The following TIPRL variants were observed in gnomAD, a reference collection of about 807,000 sequenced individuals.
TIPRL encodes TOR signaling pathway regulator.
A neutral mutation model predicts 32.3 loss-of-function variants in TIPRL; 10 were observed. The observed-to-expected ratio is 0.31, with a 90% CI of 0.19 to 0.52. The LOEUF (loss-of-function observed/expected upper bound fraction) is 0.52. TIPRL is among the 20% of genes least tolerant of loss of function. The pLI is 0.96. For missense variants in TIPRL, 250 were observed against 328.1 expected, an observed-to-expected ratio of 0.76 and a Z score of 1.84; for synonymous variants, 100 against 114.0, an observed-to-expected ratio of 0.88 and a Z score of 0.78.
chr1:168,195,049 G>A (rs1700137644), intron 4 of TIPRL, among the ~76,000 whole-genome samples: 1 of 152,150 alleles, frequency 6.6e-6, no homozygotes, highest in Non-Finnish European at 1.5e-5. Flanking sequence ...ACATTAGCCG[G>A]GAGAATACTC....
At position 168,191,489 on chromosome 1, in the gene TIPRL, A is replaced by C. The variant is rs1700095796; in HGVS notation, c.505A>C (p.Ser169Arg). ...ELHDHGVSSL[S>R]VKIRVMPSSF... ...TCATGATCATGGAGTTTCAAGCCTG[A>C]GTGTGAAGATTGTGAGTATTATTTT... The change falls in exon 4 of 7, where the codon AGT (serine) becomes CGT (arginine). Residue 169 changes from serine (S) to arginine (R), a missense_variant. Ser to Arg is a moderately radical substitution (Grantham distance 110). Coordinates refer to ENST00000367833, the MANE Select transcript of TIPRL (RefSeq NM_152902.5). The C allele has an allele frequency of 1.3e-5, 19 of 1,500,534 alleles. No individual in the cohort carries two copies. Among genetic ancestry groups the C allele is most frequent in the Non-Finnish European group, 1.7e-5 (19 of 1,133,762 alleles). 93.0% of individuals were successfully genotyped at this position (1,500,534 alleles called of 1,614,324 possible).
At chr1:168,192,934 G>A (rs1353817408) in intron 4 of TIPRL, among the ~76,000 whole-genome samples, 5 of 152,122 alleles carry the variant, frequency 3.3e-5, no homozygotes, top group African/African-American at 9.7e-5. Flanking sequence ...CTCAATTATA[G>A]CATTTGTCAT....
chr1:168,192,388 A>G (rs1468746814), intron 4 of TIPRL: 2 of 1,020,640 alleles, frequency 2.0e-6, no homozygotes, highest in South Asian at 4.3e-5. Flanking sequence ...AAAGAAGTAG[A>G]AAACACACAT....
intron 1 of TIPRL, among the ~76,000 whole-genome samples, chr1:168,181,022 G>A (rs940715829): frequency 4.0e-5 from 6 of 151,308 alleles, no homozygotes; most frequent in South Asian, 4.2e-4. Context: ...TCACTCTGTC[G>A]CCCAGGCTGG....
rs1700190782 is a variant in TIPRL, at chr1:168,199,766, T to C, written c.676-137T>C. The C allele has an allele frequency of 1.8e-5, 13 of 724,104 alleles. No individual in the cohort carries two copies. The South Asian group carries it at 2.8e-4, about 16-fold the overall frequency. 44.9% of individuals were successfully genotyped at this position (724,104 alleles called of 1,614,324 possible). On this transcript the variant is annotated intron_variant, in intron 6 of 6. Transcript: ENST00000367833. ...ATGATTCCGTATCAAGAAATACCTATTATTTTTAGGAGCACATATGCATAT... is the reference window on the plus strand; with the variant it reads ...ATGATTCCGTATCAAGAAATACCTACTATTTTTAGGAGCACATATGCATAT...
In TIPRL at chr1:168,201,566, T is replaced by G. The variant is rs1700207644; in HGVS notation, c.*1520T>G. On this transcript the variant is annotated 3_prime_UTR_variant, in exon 7 of 7. Coordinates refer to ENST00000367833, the MANE Select transcript of TIPRL (RefSeq NM_152902.5). Reference sequence around the variant, plus strand: ...AAGAAAACACATGGTATGTTCACTGTATATTAAATATACCTGTATTTAATG... The same window carrying G: ...AAGAAAACACATGGTATGTTCACTGGATATTAAATATACCTGTATTTAATG... The G allele has an allele frequency of 6.6e-6, 1 of 152,068 alleles. No homozygotes were observed. Among genetic ancestry groups the G allele is most frequent in the African/African-American group, 2.4e-5 (1 of 41,432 alleles). The allele number at this position is 152,068 out of a possible 1,614,324, so 9.4% of individuals were successfully genotyped here. A position where few individuals can be genotyped will look rare whatever the true frequency, so the allele number is the denominator to read the frequency against.
chr1:168,191,364 T>G lies in TIPRL; in HGVS notation c.385-5T>G. On this transcript the variant is annotated splice_polypyrimidine_tract_variant and splice_region_variant and intron_variant, in intron 3 of 6. Coordinates refer to ENST00000367833, the MANE Select transcript of TIPRL (RefSeq NM_152902.5). The stretch of plus-strand genomic sequence containing the variant: ...TGTGCTCCTCTTTAAAATTTTTTCT[T>G]TCAGGTTGTACCTACAACAGATCAT... 1 of 1,519,220 alleles carries G rather than the reference T, an allele frequency of 6.6e-7. No homozygotes were observed. Among genetic ancestry groups the G allele is most frequent in the Non-Finnish European group, 8.7e-7 (1 of 1,146,814 alleles). 94.1% of individuals were successfully genotyped at this position (1,519,220 alleles called of 1,614,324 possible).
intron 1 of TIPRL, 126 bp from the exon 2 acceptor site, chr1:168,183,776 A>G (rs1170480467): frequency 3.1e-6 from 3 of 964,574 alleles, no homozygotes; most frequent in East Asian, 2.5e-5. Flanking sequence ...CAAATATATC[A>G]TATTGATTAA....
At chr1:168,179,285 G>C (rs1215275365) in intron 1 of TIPRL, 104 bp downstream of exon 1, 1 of 988,034 alleles carries the variant, frequency 1.0e-6, no homozygotes, top group East Asian at 2.6e-5. Context: ...TGAGGCGGAG[G>C]TTCGGTCCCT....
At chr1:168,199,535 G>A (rs2072777) in intron 6 of TIPRL, among the ~76,000 whole-genome samples, 72,259 of 151,776 alleles carry the variant, frequency 0.48, 20,321 homozygotes, top group African/African-American at 0.78. Flanking sequence ...TGGGTATAGA[G>A]TATACTTGGA....
intron 1 of TIPRL, 102 bp downstream of exon 1, chr1:168,179,283 A>T: frequency 9.9e-7 from 1 of 1,012,266 alleles, no homozygotes; most frequent in Non-Finnish European, 1.5e-6. Context: ...CCTGAGGCGG[A>T]GGTTCGGTCC....
intron 1 of TIPRL, among the ~76,000 whole-genome samples, chr1:168,180,676 G>A (rs560491181): frequency 3.0e-4 from 45 of 152,208 alleles, no homozygotes; most frequent in Non-Finnish European, 1.8e-4. Context: ...AAGAAAATAA[G>A]TGGTAATATT....
intron 3 of TIPRL, among the ~76,000 whole-genome samples, chr1:168,189,411 T>A (rs953752787): frequency 1.3e-5 from 2 of 152,218 alleles, no homozygotes; most frequent in African/African-American, 2.4e-5. Flanking sequence ...AATGGTGTGA[T>A]CTCAGCTCAC....
chr1:168,180,955 C>T (rs955011817), intron 1 of TIPRL, among the ~76,000 whole-genome samples: 11 of 151,332 alleles, frequency 7.3e-5, no homozygotes, highest in South Asian at 4.2e-4. Context: ...TGAGCCACTG[C>T]GCCCAGCCTT....
At chr1:168,180,789 T>G (rs1277002249) in intron 1 of TIPRL, among the ~76,000 whole-genome samples, 5 of 149,542 alleles carry the variant, frequency 3.3e-5, no homozygotes, top group Non-Finnish European at 7.4e-5. Context: ...GTTTTTCCTC[T>G]CTATATCTTT....
chr1:168,182,293 T>C (rs750897042), intron 1 of TIPRL, among the ~76,000 whole-genome samples: 3 of 152,042 alleles, frequency 2.0e-5, no homozygotes, highest in East Asian at 1.9e-4. Flanking sequence ...TAACTAGTTA[T>C]ACCTGTTTTT....
chr1:168,196,379 A>G (rs184826429), intron 4 of TIPRL, among the ~76,000 whole-genome samples, 168 bp from the exon 5 acceptor site: 4 of 152,354 alleles, frequency 2.6e-5, no homozygotes, highest in Admixed American at 2.6e-4. Context: ...TTTTGAGGCT[A>G]GTTGGAGCTA....
chr1:168,199,796 C>T, intron 6 of TIPRL, 107 bp from the exon 7 acceptor site: 3 of 1,124,254 alleles, frequency 2.7e-6, no homozygotes, highest in South Asian at 3.2e-5. Context: ...GCATATATTG[C>T]ACCTGATTTT....
chr1:168,179,940 G>A (rs2102303485), intron 1 of TIPRL, among the ~76,000 whole-genome samples: 1 of 152,218 alleles, frequency 6.6e-6, no homozygotes, highest in Non-Finnish European at 1.5e-5. Context: ...TGTGATTGGA[G>A]CGTGAGGTAC....
Sources: allele counts gnomAD v4.1 joint callset (sites outside exome capture counted in the v4.1 genomes callset), GRCh38; gene constraint gnomAD v4.1.1; transcripts MANE v1.5; gene names NCBI Gene and HGNC (gene_info 2026-07-23, HGNC 2026-07-21).